Variants in EPB41L5 observed in about 807,000 individuals in gnomAD.
EPB41L5 encodes the protein erythrocyte membrane protein band 4.1 like 5.
A neutral mutation model predicts 106.6 loss-of-function variants in EPB41L5; 55 were observed. The observed-to-expected ratio is 0.52, with a 90% confidence interval of 0.42 to 0.65. EPB41L5 has a LOEUF of 0.65. Ranked by LOEUF, EPB41L5 falls within the 30% of genes least tolerant of loss-of-function variation. The pLI, the probability that EPB41L5 is intolerant of heterozygous loss-of-function variation, is 0.00. For missense variants in EPB41L5, 871 were observed against 882.1 expected (o/e 0.99, Z 0.16); for synonymous variants, 297 against 306.7 (o/e 0.97, Z 0.33).
intron 18 of EPB41L5, among the ~76,000 whole-genome samples, chr2:120,138,028 G>C (rs1686003916): frequency 6.6e-6 from 1 of 152,060 alleles, no homozygotes. Flanking sequence ...ATTTATCCCA[G>C]GATGTAATAA....
intron 24 of EPB41L5, among the ~76,000 whole-genome samples, chr2:120,171,644 A>G (rs1687677936): frequency 6.6e-6 from 1 of 152,234 alleles, no homozygotes; most frequent in Non-Finnish European, 1.5e-5. Flanking sequence ...TTCTCTGGAG[A>G]AGCCAACCAA....
At chr2:120,087,292 G>T (rs1683123779) in intron 11 of EPB41L5, 52 bp downstream of exon 11, 1 of 1,097,744 alleles carries the variant, frequency 9.1e-7, no homozygotes, top group South Asian at 1.4e-5. Context: ...TGTATTATGT[G>T]GTAACTTATT....
At chr2:120,157,545 G>A (rs780401168) in intron 20 of EPB41L5, among the ~76,000 whole-genome samples, 2 of 152,028 alleles carry the variant, frequency 1.3e-5, no homozygotes, top group African/African-American at 2.4e-5. Context: ...GGAGGCAGAC[G>A]GATCACTTGA....
At chr2:120,141,890 G>C (rs1043776179) in intron 18 of EPB41L5, among the ~76,000 whole-genome samples, 1 of 152,042 alleles carries the variant, frequency 6.6e-6, no homozygotes, top group African/African-American at 2.4e-5. Flanking sequence ...CTTAACACAG[G>C]AAAGTGTTTC....
At chr2:120,080,368 T>C (rs991947838) in intron 10 of EPB41L5, among the ~76,000 whole-genome samples, 4 of 152,216 alleles carry the variant, frequency 2.6e-5, no homozygotes, top group Non-Finnish European at 5.9e-5. Flanking sequence ...TTTGGTTTTT[T>C]GTCCTTGCAA....
Position 120,074,311 on chromosome 2 carries a change from A to T in EPB41L5, c.407+133A>T, listed in dbSNP as rs977366784. 2.3e-5 allele frequency: 14 copies of T among 611,406 alleles called. No homozygotes were observed. In the Admixed American group the frequency reaches 4.8e-4, roughly 21 times the overall value. 37.9% of individuals were successfully genotyped at this position (611,406 alleles called of 1,614,324 possible). A position where few individuals can be genotyped will look rare whatever the true frequency, so the allele number is the denominator to read the frequency against. ...CTGGTAACAAGACCTCAAATAATAG[A>T]ATTTTATTCTGGGACGTGTTTTTTA... is the stretch of plus-strand genomic sequence containing the variant. On this transcript the variant is annotated intron_variant, in intron 5 of 24. Coordinates refer to ENST00000263713, the MANE Select transcript of EPB41L5 (RefSeq NM_020909.4).
chr2:120,163,787 C>G (rs185434967), intron 21 of EPB41L5, among the ~76,000 whole-genome samples: 1,580 of 150,528 alleles, frequency 0.01, 13 homozygotes, highest in Middle Eastern at 0.027. Context: ...GAGACCCTGT[C>G]TCTATAAAAA....
chr2:120,083,148 T>C (rs1411362936), intron 10 of EPB41L5, among the ~76,000 whole-genome samples: 1 of 152,214 alleles, frequency 6.6e-6, no homozygotes, highest in Non-Finnish European at 1.5e-5. Context: ...TTCTGCTAGC[T>C]TTTGAATGTG....
chr2:120,036,908 T>C (rs913891658), intron 2 of EPB41L5, among the ~76,000 whole-genome samples: 1 of 152,084 alleles, frequency 6.6e-6, no homozygotes, highest in Non-Finnish European at 1.5e-5. Flanking sequence ...AGTTCCTTTT[T>C]CCCCTAAGAT....
chr2:120,050,320 T>C (rs546651108), intron 3 of EPB41L5, among the ~76,000 whole-genome samples: 15 of 152,216 alleles, frequency 9.9e-5, no homozygotes, highest in Non-Finnish European at 2.1e-4. Context: ...ATAGATTTGG[T>C]CTTTTCATGT....
intron 3 of EPB41L5, among the ~76,000 whole-genome samples, chr2:120,068,651 T>C (rs984174268): frequency 2.0e-5 from 3 of 152,216 alleles, no homozygotes; most frequent in Admixed American, 2.0e-4. Context: ...ACATATAATA[T>C]TAACCTTAAA....
chr2:120,163,979 A>ATTTTTTTTT (rs1687268274), intron 21 of EPB41L5, among the ~76,000 whole-genome samples: 1 of 39,366 alleles, frequency 2.5e-5, no homozygotes, highest in African/African-American at 7.6e-5. Flanking sequence ...TTTTGTATTT[A>ATTTTTTTTT]CTTTTTTTTT....
chr2:120,091,701 G>T (rs754617424), intron 13 of EPB41L5, 40 bp downstream of exon 13: 3 of 1,498,108 alleles, frequency 2.0e-6, no homozygotes, highest in South Asian at 2.3e-5. Context: ...TTTTTCCTTG[G>T]CAATTAATTA....
intron 14 of EPB41L5, 110 bp downstream of exon 14, chr2:120,093,386 C>T (rs1683543103): frequency 3.4e-6 from 3 of 870,772 alleles, no homozygotes; most frequent in East Asian, 2.4e-5. Flanking sequence ...GTCCGTAAAG[C>T]ACCAGGGATA....
In EPB41L5 at chr2:120,167,864, G is replaced by GT; in HGVS notation, c.2005-12dup. Reference sequence around the variant, plus strand: ...TGTTACCCTGTATTTAGTTGTGTGTGTATCTCCCACAGCAGAGTGGTGCCA... The same window carrying GT: ...TGTTACCCTGTATTTAGTTGTGTGTGTTATCTCCCACAGCAGAGTGGTGCCA... On this transcript the variant is annotated splice_polypyrimidine_tract_variant and intron_variant, in intron 23 of 24. Transcript: ENST00000263713. 1 of 1,614,148 alleles carries GT rather than the reference G, an allele frequency of 6.2e-7. No homozygotes were observed. The highest frequency in any genetic ancestry group is 8.5e-7 in the Non-Finnish European group (1 of 1,179,978).
intron 3 of EPB41L5, among the ~76,000 whole-genome samples, chr2:120,059,823 C>T (rs1027979035): frequency 6.6e-6 from 1 of 152,180 alleles, no homozygotes; most frequent in African/African-American, 2.4e-5. Context: ...GTGGAGGCTG[C>T]TGTGAGTGTG....
At chr2:120,167,645 C>A in intron 23 of EPB41L5, 138 bp downstream of exon 23, 1 of 1,056,156 alleles carries the variant, frequency 9.5e-7, no homozygotes, top group Non-Finnish European at 1.4e-6. Flanking sequence ...AACTTAATGG[C>A]TTCAAGCTAG....
chr2:120,050,304 T>A (rs1680141196), intron 3 of EPB41L5, among the ~76,000 whole-genome samples: 1 of 152,204 alleles, frequency 6.6e-6, no homozygotes, highest in Non-Finnish European at 1.5e-5. Context: ...GGTACACCAA[T>A]CAGACATAGA....
At chr2:120,109,080 A>G (rs1019992934) in intron 16 of EPB41L5, among the ~76,000 whole-genome samples, 1 of 152,090 alleles carries the variant, frequency 6.6e-6, no homozygotes, top group African/African-American at 2.4e-5. Context: ...AGAGTACCTC[A>G]TTGGGTCTTC....
Sources: allele counts gnomAD v4.1 joint callset (sites outside exome capture counted in the v4.1 genomes callset), GRCh38; gene constraint gnomAD v4.1.1; transcripts MANE v1.5; gene names NCBI Gene and HGNC (gene_info 2026-07-23, HGNC 2026-07-21).